Variants in PLCXD1 observed in about 807,000 individuals in gnomAD.
PLCXD1 encodes the protein phosphatidylinositol specific phospholipase C X domain containing 1.
Under a neutral mutation model 37.8 loss-of-function variants are expected in PLCXD1, and 45 were observed. The ratio of observed to expected loss-of-function variants is 1.19; its 90% CI spans 0.94 to 1.53. PLCXD1 has a LOEUF of 1.53. Ranked by LOEUF, PLCXD1 falls within the 40% of genes most tolerant of loss-of-function variation. PLCXD1 has a pLI of 0.00. For synonymous variants in PLCXD1, 246 were observed against 206.9 expected, an observed-to-expected ratio of 1.19 and a Z score of -1.62; for missense variants, 539 against 454.7, an observed-to-expected ratio of 1.19 and a Z score of -1.69.
intron 6 of PLCXD1, among the ~76,000 whole-genome samples, chrX:295,682 AC>A (rs2069783581): frequency 1.3e-5 from 2 of 149,982 alleles, no homozygotes; most frequent in African/African-American, 4.9e-5. Context: ...CCGCCACCAC[AC>A]CCGGCTAATT....
At chrX:289,234 C>T (rs2069550302) in intron 3 of PLCXD1, among the ~76,000 whole-genome samples, 1 of 152,032 alleles carries the variant, frequency 6.6e-6, no homozygotes. Context: ...TCTACAGGCA[C>T]CTGTCACCAC....
intron 6 of PLCXD1, among the ~76,000 whole-genome samples, chrX:295,297 G>A (rs1189745513): frequency 1.3e-5 from 2 of 152,156 alleles, no homozygotes; most frequent in Admixed American, 6.5e-5. Flanking sequence ...GGAGGCAGGA[G>A]CCTGAGGGAG....
rs1489024338 is a variant in PLCXD1, at chrX:287,361, A to G, written c.128-1372A>G. On this transcript the variant is annotated intron_variant, in intron 2 of 6. Transcript: ENST00000381657. ...TAATATGTGGATATATATTTTATAT[A>G]TTTATATAAATACATATTTATGCAA... Among the ~76,000 whole-genome samples, 4 of 144,438 alleles carry G rather than the reference A, an allele frequency of 2.8e-5. No individual in the cohort carries two copies. In the East Asian group the frequency reaches 5.9e-4, roughly 21 times the overall value. 94.8% of individuals were successfully genotyped at this position (144,438 alleles called of 152,430 possible).
chrX:296,922 TTCTG>T (rs1456367712), intron 6 of PLCXD1, among the ~76,000 whole-genome samples: 90 of 134,166 alleles, frequency 6.7e-4, no homozygotes, highest in South Asian at 3.7e-3. Context: ...GGGGCCATTA[TTCTG>T]TCTATCACAT....
At chrX:298,968 T>C (rs2069903716) in intron 6 of PLCXD1, 129 bp from the exon 7 acceptor site, 2 of 740,098 alleles carry the variant, frequency 2.7e-6, no homozygotes, top group Non-Finnish European at 4.8e-6. Flanking sequence ...TCACCCAATT[T>C]CCTTGTTGGA....
In PLCXD1 at chrX:303,271, G is replaced by A. The variant is rs1191330038; in HGVS notation, c.*3936G>A. 6 of 152,150 alleles carry A rather than the reference G, an allele frequency of 3.9e-5. No homozygotes were observed. The highest frequency in any genetic ancestry group is 3.3e-4 in the Admixed American group (5 of 15,254). 9.4% of individuals were successfully genotyped at this position (152,150 alleles called of 1,614,324 possible). ...GGAGCCTCCCTGACTTCCGTCGGCT[G>A]TGAATCCTTGTCTGTCAGGGGCGTA... On this transcript the variant is annotated 3_prime_UTR_variant, in exon 7 of 7. Transcript: ENST00000381657.
intron 1 of PLCXD1, 198 bp from the exon 2 acceptor site, chrX:283,969 C>T: frequency 3.7e-6 from 2 of 545,546 alleles, no homozygotes; most frequent in Non-Finnish European, 6.6e-6. Context: ...GTAACCTCCA[C>T]CTCCCGGGTT....
rs761853545 is a variant in PLCXD1, at chrX:299,134, C to A, written c.771C>A (p.Asn257Lys). 41 of 1,613,820 alleles carry A rather than the reference C, an allele frequency of 2.5e-5. No homozygotes were observed. The South Asian group carries it at 4.2e-4, about 16-fold the overall frequency. Residue 257 changes from asparagine (N) to lysine (K), a missense_variant, in exon 7 of 7, where the codon AAC becomes AAA. Asn to Lys is a moderately conservative substitution (Grantham distance 94, BLOSUM62 0). Transcript: ENST00000381657. Reference sequence around the variant, plus strand: ...TGGCCGGCATCAACCTCACGGAGAACCTGCAGTACGTTCTGGCGCACCCGT... The same window carrying A: ...TGGCCGGCATCAACCTCACGGAGAAACTGCAGTACGTTCTGGCGCACCCGT... ...LFVAGINLTE[N>K]LQYVLAHPSE...
intron 4 of PLCXD1, among the ~76,000 whole-genome samples, 194 bp downstream of exon 4, chrX:290,970 C>T (rs868447942): frequency 1.1e-3 from 151 of 135,276 alleles, no homozygotes; most frequent in African/African-American, 4.4e-3. Flanking sequence ...CAGGTGCGGC[C>T]GGGCTGAGGT....
In PLCXD1 at chrX:291,627, C is replaced by G; in HGVS notation, c.522C>G (p.Ile174Met). The part of the protein sequence containing the change: ...HEYLVACIKN[I>M]FGDMLCPRGE... ...ACCTGGTCGCCTGTATCAAGAACAT[C>G]TTCGGGGACATGCTGTGTCCTCGTG... is the stretch of plus-strand genomic sequence containing the variant. Residue 174 changes from isoleucine (I) to methionine (M), a missense_variant, in exon 5 of 7, where the codon ATC (isoleucine) becomes ATG (methionine). Coordinates refer to ENST00000381657, the MANE Select transcript of PLCXD1 (RefSeq NM_018390.4). 1.2e-6 allele frequency: 2 copies of G among 1,612,860 alleles called. No homozygotes were observed. The highest frequency in any genetic ancestry group is 1.7e-6 in the Non-Finnish European group (2 of 1,179,846).
Position 287,248 on chromosome X carries a change from ATAAG to A in PLCXD1, c.128-1481_128-1478del, listed in dbSNP as rs1047835695. Among the ~76,000 whole-genome samples the A allele has an allele frequency of 1.1e-3, 124 of 116,626 alleles. 3 individuals carry two copies. In the South Asian group the frequency reaches 0.026, roughly 25 times the overall value. 76.5% of individuals were successfully genotyped at this position (116,626 alleles called of 152,430 possible). A position where few individuals can be genotyped will look rare whatever the true frequency, so the allele number is the denominator to read the frequency against. The stretch of plus-strand genomic sequence containing the variant: ...ATTTATATTTATATATAATATATAA[ATAAG>A]TAAATGTAAAATATAAAATATATAT... On this transcript the variant is annotated intron_variant, in intron 2 of 6. Transcript: ENST00000381657.
intron 6 of PLCXD1, among the ~76,000 whole-genome samples, chrX:296,528 G>A (rs2069813800): frequency 6.6e-6 from 1 of 152,204 alleles, no homozygotes; most frequent in Non-Finnish European, 1.5e-5. Context: ...CAGGGGCACT[G>A]GAACCTACCT....
rs769336642 is a variant in PLCXD1, at chrX:295,727, C to T, written c.733+2509C>T. On this transcript the variant is annotated intron_variant, in intron 6 of 6. Coordinates refer to ENST00000381657, the MANE Select transcript of PLCXD1 (RefSeq NM_018390.4). ...TATTTTTAGTAGAGACAGGGTTTCA[C>T]CATGTTGGTCGGGCTGGTCTCGAAC... is the stretch of plus-strand genomic sequence containing the variant. 1.4e-3 allele frequency among the ~76,000 whole-genome samples: 213 copies of T among 151,984 alleles called. 1 individual carries two copies. Among genetic ancestry groups the T allele is most frequent in the Middle Eastern group, 3.4e-3 (1 of 294 alleles).
Position 299,402 on chromosome X carries a change from C to A in PLCXD1, c.*67C>A, listed in dbSNP as rs1247199899. 4 of 1,153,828 alleles carry A rather than the reference C, an allele frequency of 3.5e-6. No homozygotes were observed. In the East Asian group the frequency reaches 9.4e-5, roughly 27 times the overall value. 71.5% of individuals were successfully genotyped at this position (1,153,828 alleles called of 1,614,324 possible). A position where few individuals can be genotyped will look rare whatever the true frequency, so the allele number is the denominator to read the frequency against. On this transcript the variant is annotated 3_prime_UTR_variant, in exon 7 of 7. Coordinates refer to ENST00000381657, the MANE Select transcript of PLCXD1 (RefSeq NM_018390.4). ...ACCCCCGAATTTCCAAGTATTGTGA[C>A]TTTGTTTGGGCCAAATGTTGGTGAT...
intron 2 of PLCXD1, among the ~76,000 whole-genome samples, chrX:287,601 TATATA>T (rs2069497108): frequency 1.2e-5 from 1 of 81,934 alleles, no homozygotes; most frequent in Non-Finnish European, 2.5e-5. Context: ...TATATGTTTA[TATATA>T]GATATAGATA....
At chrX:281,798 ACC>A (rs1424264710) in intron 1 of PLCXD1, 114 bp downstream of exon 1, 1 of 152,088 alleles carries the variant, frequency 6.6e-6, no homozygotes, top group Non-Finnish European at 1.5e-5. Context: ...TCACTTTGTC[ACC>A]CAGGCTGGAG....
intron 6 of PLCXD1, among the ~76,000 whole-genome samples, chrX:295,977 C>G (rs780261124): frequency 1.4e-5 from 2 of 146,354 alleles, no homozygotes; most frequent in South Asian, 4.3e-4. Context: ...CCACGCCCGG[C>G]TAATTTTTAT....
chrX:287,558 ACTATATAT>A, intron 2 of PLCXD1, among the ~76,000 whole-genome samples: 1 of 97,676 alleles, frequency 1.0e-5, no homozygotes, highest in South Asian at 2.9e-4. Flanking sequence ...AGATATAGAT[ACTATATAT>A]GTTTATATAT....
intron 3 of PLCXD1, among the ~76,000 whole-genome samples, chrX:289,793 C>G (rs6603169): frequency 0.4 from 60,393 of 151,020 alleles, 13,698 homozygotes; most frequent in East Asian, 0.57. Context: ...TTACAGGCGT[C>G]AGCCACCGCG....
Sources: gnomAD v4.1 joint callset for allele counts (sites outside exome capture counted in the v4.1 genomes callset) on GRCh38, gnomAD v4.1.1 for gene constraint, MANE v1.5 for transcripts, NCBI Gene and HGNC (gene_info 2026-07-23, HGNC 2026-07-21) for gene names.